Variants in GXYLT1 observed in about 807,000 individuals in gnomAD.
GXYLT1 encodes glycosyltransferase 8 domain containing 3.
GXYLT1 carries 29 observed loss-of-function variants against 54.0 expected under a neutral mutation model. The ratio of observed to expected loss-of-function variants is 0.54; its 90% CI spans 0.40 to 0.73. The LOEUF is 0.73. Among genes scored for constraint, GXYLT1 ranks in the 30% least tolerant of loss-of-function variants. The probability of loss-of-function intolerance (pLI) is 0.00; values close to 1 mark genes in which losing one functional copy is unlikely to be tolerated. For missense variants in GXYLT1, 490 were observed against 553.4 expected (o/e 0.89, Z 1.15); for synonymous variants, 176 against 204.1 (o/e 0.86, Z 1.17).
chr12:42,126,815 G>A (rs760932140), intron 2 of GXYLT1, among the ~76,000 whole-genome samples: 2 of 151,406 alleles, frequency 1.3e-5, no homozygotes, highest in African/African-American at 4.9e-5. Context: ...AGGAGGCAGC[G>A]GTTGCAGTGA....
Position 42,087,768 on chromosome 12 carries a change from T to G in GXYLT1, c.*18A>C. On this transcript the variant is annotated 3_prime_UTR_variant, in exon 8 of 8. Transcript: ENST00000398675. The stretch of plus-strand genomic sequence containing the variant: ...TGATTCTTTGTTTTCATCCATTTGA[T>G]TAAGCAGTCACCAAGAATCACTTTT... 1 of 1,557,748 alleles carries G rather than the reference T, an allele frequency of 6.4e-7. No homozygotes were observed.
chr12:42,114,452 C>A (rs1360640101), intron 3 of GXYLT1, among the ~76,000 whole-genome samples: 1 of 152,152 alleles, frequency 6.6e-6, no homozygotes, highest in Non-Finnish European at 1.5e-5. Flanking sequence ...GGGGATATCA[C>A]CACCAATCCC....
intron 2 of GXYLT1, among the ~76,000 whole-genome samples, chr12:42,123,181 G>C (rs2065541765): frequency 6.6e-6 from 1 of 152,068 alleles, no homozygotes; most frequent in Non-Finnish European, 1.5e-5. Flanking sequence ...GAATGGGGAG[G>C]AAAAGATACA....
chr12:42,118,594 T>C (rs2136904881), intron 3 of GXYLT1, among the ~76,000 whole-genome samples: 1 of 152,364 alleles, frequency 6.6e-6, no homozygotes, highest in African/African-American at 2.4e-5. Flanking sequence ...TGGCTCTGTG[T>C]TGCCACTCAA....
chr12:42,108,823 T>C (rs1321839082), intron 4 of GXYLT1, among the ~76,000 whole-genome samples: 1 of 152,214 alleles, frequency 6.6e-6, no homozygotes, highest in African/African-American at 2.4e-5. Flanking sequence ...TTCCGGAACC[T>C]TGTGTGCTTC....
At position 42,087,886 on chromosome 12, in the gene GXYLT1, T is replaced by C. The variant is rs200436402; in HGVS notation, c.1223A>G (p.Lys408Arg). ...LLKPLELELQ[K>R]TVHTYCGKIY... ...TTTTCCACAGTATGTATGCACTGTT[T>C]TTTGTAGTTCCAGTTCTAAAGGTTT... The change falls in exon 8 of 8, where the codon AAA becomes AGA. Residue 408 changes from lysine to arginine, a missense_variant. This residue lies in a region of GXYLT1 where 342 missense variants were observed against 342.6 expected (regional missense o/e 1.00). Transcript: ENST00000398675. 3 of 1,572,078 alleles carry C rather than the reference T, an allele frequency of 1.9e-6. No individual in the cohort carries two copies. Among genetic ancestry groups the C allele is most frequent in the Non-Finnish European group, 2.6e-6 (3 of 1,154,886 alleles).
At chr12:42,115,865 CCT>C in intron 3 of GXYLT1, among the ~76,000 whole-genome samples, 1 of 134,000 alleles carries the variant, frequency 7.5e-6, no homozygotes, top group Admixed American at 7.5e-5. Flanking sequence ...CATCATGCTA[CCT>C]GACTTCAAAC....
chr12:42,120,720 G>C (rs1453673291), intron 2 of GXYLT1, among the ~76,000 whole-genome samples: 2 of 146,436 alleles, frequency 1.4e-5, no homozygotes, highest in East Asian at 4.0e-4. Context: ...ATTTTTTGTA[G>C]AGATGGGGTC....
At chr12:42,128,832 C>A (rs560413629) in intron 2 of GXYLT1, among the ~76,000 whole-genome samples, 96 of 151,936 alleles carry the variant, frequency 6.3e-4, no homozygotes, top group African/African-American at 2.2e-3. Flanking sequence ...GCCACCATGC[C>A]TGGGTAATTT....
chr12:42,111,549 G>A (rs562489549), intron 3 of GXYLT1, among the ~76,000 whole-genome samples: 2 of 152,356 alleles, frequency 1.3e-5, no homozygotes, highest in East Asian at 3.9e-4. Flanking sequence ...AGCAGTCCGA[G>A]ATCAAACTGC....
At chr12:42,139,348 T>A (rs142642371) in intron 1 of GXYLT1, among the ~76,000 whole-genome samples, 17 of 152,336 alleles carry the variant, frequency 1.1e-4, no homozygotes, top group African/African-American at 3.8e-4. Flanking sequence ...GAATTTGCTA[T>A]GGTCTGAATG....
intron 3 of GXYLT1, among the ~76,000 whole-genome samples, chr12:42,116,511 A>C (rs1260829049): frequency 4.6e-5 from 7 of 152,244 alleles, no homozygotes; most frequent in African/African-American, 7.2e-5. Context: ...TATGCAGACA[A>C]AAAACACATG....
chr12:42,098,126 C>CA lies in GXYLT1; in HGVS notation c.865-94dup. 4 of 1,177,696 alleles carry CA rather than the reference C, an allele frequency of 3.4e-6. No individual in the cohort carries two copies. In the South Asian group the frequency reaches 5.4e-5, roughly 16 times the overall value. 73.0% of individuals were successfully genotyped at this position (1,177,696 alleles called of 1,614,324 possible). On this transcript the variant is annotated intron_variant, in intron 5 of 7. Transcript: ENST00000398675. ...CTCATTCTTCCCACAGCAACCATTA[C>CA]AAATCCACAAAGAGAAATGCAAACT...
At chr12:42,107,152 G>A (rs1393057822) in intron 4 of GXYLT1, among the ~76,000 whole-genome samples, 2 of 152,116 alleles carry the variant, frequency 1.3e-5, no homozygotes, top group African/African-American at 4.8e-5. Context: ...CAATAAATAG[G>A]TGAATCTAAA....
At chr12:42,118,258 A>G (rs760526251) in intron 3 of GXYLT1, among the ~76,000 whole-genome samples, 1 of 152,204 alleles carries the variant, frequency 6.6e-6, no homozygotes, top group Non-Finnish European at 1.5e-5. Context: ...TTAATCAAGA[A>G]TTCTCTCCTC....
intron 7 of GXYLT1, among the ~76,000 whole-genome samples, chr12:42,096,867 T>C (rs2065358722): frequency 2.0e-5 from 3 of 152,062 alleles, no homozygotes. Context: ...ACTATGACTA[T>C]GAGGGCCTGA....
At chr12:42,109,102 TTC>T (rs1263897740) in intron 4 of GXYLT1, among the ~76,000 whole-genome samples, 1 of 152,252 alleles carries the variant, frequency 6.6e-6, no homozygotes, top group African/African-American at 2.4e-5. Flanking sequence ...TTAAATTTGT[TTC>T]TGTTTAAGTA....
At chr12:42,104,237 C>G (rs1039601393) in intron 5 of GXYLT1, among the ~76,000 whole-genome samples, 16 of 144,852 alleles carry the variant, frequency 1.1e-4, no homozygotes, top group Non-Finnish European at 2.1e-4. Flanking sequence ...ATTTCAAATG[C>G]AGTTATTGAG....
At chr12:42,116,473 C>G (rs376871874) in intron 3 of GXYLT1, among the ~76,000 whole-genome samples, 22 of 152,158 alleles carry the variant, frequency 1.4e-4, no homozygotes, top group Admixed American at 3.9e-4. Context: ...CGAAGGATAT[C>G]AACAGACACT....
Sources: allele counts gnomAD v4.1 joint callset (sites outside exome capture counted in the v4.1 genomes callset), GRCh38; gene constraint gnomAD v4.1.1; regional missense constraint gnomAD v4.1.1; transcripts MANE v1.5; gene names NCBI Gene and HGNC (gene_info 2026-07-23, HGNC 2026-07-21).